FBXL2: variants seen among roughly 807,000 people sequenced by gnomAD.
FBXL2 encodes the protein F-box and leucine rich repeat protein 2.
FBXL2 carries 38 observed loss-of-function variants against 69.2 expected under a neutral mutation model. That is an observed-to-expected ratio of 0.55 (90% CI 0.42 to 0.72). FBXL2 has a LOEUF of 0.72. FBXL2 is among the 30% of genes least tolerant of loss of function. The pLI, the probability that FBXL2 is intolerant of heterozygous loss-of-function variation, is 0.00. For missense variants in FBXL2, 354 were observed against 520.3 expected, an observed-to-expected ratio of 0.68 and a Z score of 3.11; for synonymous variants, 192 against 201.3, an observed-to-expected ratio of 0.95 and a Z score of 0.39.
chr3:33,340,895 CAAAA>C (rs67092664), intron 2 of FBXL2, among the ~76,000 whole-genome samples: 7 of 86,566 alleles, frequency 8.1e-5, no homozygotes, highest in Admixed American at 1.4e-4. Flanking sequence ...TTCCTTTGCC[CAAAA>C]AAAAAAAAAA....
chr3:33,358,875 C>G (rs894880613), intron 2 of FBXL2, 92 bp from the exon 3 acceptor site: 18 of 673,846 alleles, frequency 2.7e-5, no homozygotes, highest in Non-Finnish European at 3.8e-5. Flanking sequence ...ACTTATGTAT[C>G]CAGGTGGCGG....
intron 2 of FBXL2, among the ~76,000 whole-genome samples, chr3:33,332,889 A>G (rs540598712): frequency 1.3e-5 from 2 of 152,236 alleles, no homozygotes; most frequent in Admixed American, 6.5e-5. Context: ...ATTGTATATA[A>G]GTACAGTGGG....
At chr3:33,402,370 T>TA (rs1438766047) in intron 12 of FBXL2, among the ~76,000 whole-genome samples, 3 of 152,036 alleles carry the variant, frequency 2.0e-5, no homozygotes, top group South Asian at 2.1e-4. Context: ...AAGATTTAAT[T>TA]AAAAAAATAG....
Position 33,400,343 on chromosome 3 carries a change from A to G in FBXL2, n.1215-2891A>G, listed in dbSNP as rs534641104. 4.5e-5 allele frequency: 61 copies of G among 1,344,574 alleles called. 2 individuals are homozygous for G. In the South Asian group the frequency reaches 8.4e-4, roughly 19 times the overall value. 83.3% of individuals were successfully genotyped at this position (1,344,574 alleles called of 1,614,324 possible). On this transcript the variant is annotated intron_variant and non_coding_transcript_variant, in intron 12 of 12. Transcript: ENST00000463736. ...CCATTCAGACTTAGAACATTTAAAC[A>G]AAACACAGAAAGCCTCGGAGTCTGA...
intron 12 of FBXL2, chr3:33,396,632 C>A: frequency 2.5e-6 from 1 of 403,680 alleles, no homozygotes; most frequent in South Asian, 2.3e-5. Flanking sequence ...ATGGTTCTTA[C>A]AAGCCAGCAC....
At chr3:33,283,060 C>T (rs548144379) in intron 1 of FBXL2, among the ~76,000 whole-genome samples, 33 of 152,180 alleles carry the variant, frequency 2.2e-4, no homozygotes, top group African/African-American at 6.3e-4. Context: ...GCCTGATTGC[C>T]CTGGCCAGAA....
At chr3:33,403,703 C>G (rs1021225846), downstream of FBXL2, 1 of 152,150 alleles carries the variant, frequency 6.6e-6, no homozygotes, top group African/African-American at 2.4e-5. Context: ...AACAAAGACA[C>G]GGAGATACAC....
the FBXL2 span, among the ~76,000 whole-genome samples, chr3:33,419,204 T>C: frequency 2.0e-5 from 3 of 152,100 alleles, no homozygotes; most frequent in South Asian, 6.2e-4. Context: ...GGCAGAAAAA[T>C]CAAGAGTTGG....
intron 12 of FBXL2, chr3:33,396,237 G>A: frequency 6.3e-7 from 1 of 1,591,474 alleles, no homozygotes; most frequent in Non-Finnish European, 8.6e-7. Flanking sequence ...GTGCTGCTTG[G>A]CTGCTCCCGG....
At chr3:33,381,173 T>C (rs1265745865) in intron 13 of FBXL2, among the ~76,000 whole-genome samples, 1 of 152,180 alleles carries the variant, frequency 6.6e-6, no homozygotes, top group Non-Finnish European at 1.5e-5. Flanking sequence ...AGTACATAAG[T>C]TTTTCAATTA....
intron 2 of FBXL2, among the ~76,000 whole-genome samples, chr3:33,352,136 C>T (rs1028981383): frequency 6.6e-6 from 1 of 151,896 alleles, no homozygotes; most frequent in East Asian, 1.9e-4. Context: ...ATTAATGGAC[C>T]AATGAAACAG....
At chr3:33,369,654 C>G (rs2042167253) in intron 5 of FBXL2, among the ~76,000 whole-genome samples, 1 of 151,838 alleles carries the variant, frequency 6.6e-6, no homozygotes, top group Non-Finnish European at 1.5e-5. Context: ...ACTCTGTCAC[C>G]CAGGCTGGAG....
chr3:33,378,918 T>C (rs1012643067), intron 13 of FBXL2, 177 bp downstream of exon 13: 13 of 1,246,802 alleles, frequency 1.0e-5, no homozygotes, highest in East Asian at 5.2e-5. Flanking sequence ...ACTGCTTTCA[T>C]TGAATTTGCA....
downstream of FBXL2, chr3:33,388,264 C>A (rs1373683236): frequency 6.6e-6 from 1 of 152,404 alleles, no homozygotes; most frequent in Non-Finnish European, 1.5e-5. Flanking sequence ...TCAGAATACA[C>A]ACAGGGAAAC....
rs375332694 is a variant in FBXL2 at position 33,375,367 on chromosome 3, A to G, written c.737A>G (p.Asn246Ser). Residue 246 changes from asparagine (N) to serine (S), a missense_variant, in exon 10 of 15, where the codon AAC (asparagine) becomes AGC (serine). By Grantham distance (46) the Asn-to-Ser change is conservative. Transcript: ENST00000484457. ...LQALCLSGCS[N>S]LTDASLTALG... Reference sequence around the variant, plus strand: ...GCTCTCTGCCTTTCGGGTTGCAGCAACCTCACAGATGCCTCTCTTACAGCC... The same window carrying G: ...GCTCTCTGCCTTTCGGGTTGCAGCAGCCTCACAGATGCCTCTCTTACAGCC... 47 of 1,614,062 alleles carry G rather than the reference A, an allele frequency of 2.9e-5. No individual in the cohort carries two copies. Among genetic ancestry groups the G allele is most frequent in the East Asian group, 6.7e-5 (3 of 44,898 alleles).
At chr3:33,383,905 A>G in intron 13 of FBXL2, 84 bp from the exon 14 acceptor site, 1 of 1,374,304 alleles carries the variant, frequency 7.3e-7, no homozygotes, top group South Asian at 1.2e-5. Context: ...AGAAGGGCAA[A>G]AAGGCTAGCT....
intron 2 of FBXL2, among the ~76,000 whole-genome samples, chr3:33,298,263 A>T (rs932062064): frequency 1.8e-4 from 28 of 152,320 alleles, no homozygotes; most frequent in African/African-American, 6.5e-4. Flanking sequence ...GGCATCACTG[A>T]ATATACAGTA....
intron 12 of FBXL2, chr3:33,400,225 A>C: frequency 1.2e-6 from 2 of 1,603,906 alleles, no homozygotes; most frequent in Non-Finnish European, 1.7e-6. Context: ...TAGGAAGAGA[A>C]TCTGTTTTTG....
chr3:33,378,148 GTGAGTGGACTCCTGACAGCCC>G lies in FBXL2; in HGVS notation c.894+4_894+24del, dbSNP rs753923948. 6.2e-7 allele frequency: 1 copy of G among 1,614,162 alleles called. No individual in the cohort carries two copies. Among genetic ancestry groups the G allele is most frequent in the South Asian group, 1.1e-5 (1 of 91,084 alleles). ...GATGGATCTTGAAGAATGCATCCTG[GTGAGTGGACTCCTGACAGCCC>G]TGCAGGGCAGCCTGCTCCTTAGTCA... On this transcript the variant is annotated splice_donor_variant and splice_donor_5th_base_variant and intron_variant, in intron 12 of 14. Coordinates refer to ENST00000484457, the MANE Select transcript of FBXL2 (RefSeq NM_012157.5). LOFTEE classifies it high-confidence loss of function.
Sources: allele counts gnomAD v4.1 joint callset (sites outside exome capture counted in the v4.1 genomes callset), GRCh38; gene constraint gnomAD v4.1.1; transcripts MANE v1.5; gene names NCBI Gene and HGNC (gene_info 2026-07-23, HGNC 2026-07-21).